The following KIAA0319 variants were observed in gnomAD, a reference collection of about 807,000 sequenced individuals.
The protein encoded by KIAA0319 is dyslexia-associated protein KIAA0319.
In KIAA0319, 83 loss-of-function variants were observed where a neutral mutation model predicts 108.4. That is an observed-to-expected ratio of 0.77 (90% confidence interval 0.64 to 0.92). KIAA0319 has a LOEUF of 0.92. Among genes scored for constraint, KIAA0319 ranks in the 40% least tolerant of loss-of-function variants. The probability of loss-of-function intolerance (pLI) is 0.00; values close to 1 mark genes in which losing one functional copy is unlikely to be tolerated. For missense variants in KIAA0319, 1,195 were observed against 1,322.4 expected (o/e 0.90, Z 1.49); for synonymous variants, 484 against 510.4 (o/e 0.95, Z 0.70).
intron 9 of KIAA0319, 81 bp downstream of exon 9, chr6:24,578,029 C>T: frequency 7.3e-7 from 1 of 1,371,572 alleles, no homozygotes; most frequent in Non-Finnish European, 9.8e-7. Flanking sequence ...ATAAGAAGTG[C>T]AGTGTTTTAT....
At chr6:24,579,465 ATATATATATCT>A (rs1327273614) in intron 8 of KIAA0319, among the ~76,000 whole-genome samples, 4 of 139,526 alleles carry the variant, frequency 2.9e-5, no homozygotes, top group African/African-American at 1.1e-4. Flanking sequence ...TATATATCTC[ATATATATATCT>A]TATATATCTC....
chr6:24,635,988 G>A (rs1315837342), intron 1 of KIAA0319, among the ~76,000 whole-genome samples: 3 of 152,168 alleles, frequency 2.0e-5, no homozygotes, highest in Middle Eastern at 3.2e-3. Flanking sequence ...AATGAATCAC[G>A]TAAATAAGGG....
At chr6:24,628,279 T>G (rs1163025761) in intron 1 of KIAA0319, among the ~76,000 whole-genome samples, 1 of 152,136 alleles carries the variant, frequency 6.6e-6, no homozygotes, top group Non-Finnish European at 1.5e-5. Flanking sequence ...TTTTAAGAAT[T>G]TTTTTGCTTT....
intron 16 of KIAA0319, among the ~76,000 whole-genome samples, chr6:24,559,676 A>G (rs1762827311): frequency 6.9e-6 from 1 of 145,356 alleles, no homozygotes; most frequent in African/African-American, 2.7e-5. Flanking sequence ...TACACAAAAT[A>G]ACTTGCAGAC....
At position 24,599,749 on chromosome 6, in the gene KIAA0319, G is replaced by A; in HGVS notation, c.55+1300C>T. On this transcript the variant is annotated intron_variant, in intron 2 of 20. Coordinates refer to ENST00000378214, the MANE Select transcript of KIAA0319 (RefSeq NM_014809.4). The surrounding 1 kb of genome is among the most constrained non-coding windows in gnomAD (Gnocchi z 4.1). ...GTGAAGAAGATCGAGATTTGTGATA[G>A]GAAACTGGTGTCTGAGTCCTCTGAT... The A allele has an allele frequency of 5.5e-6, 3 of 540,660 alleles. No homozygotes were observed. The highest frequency in any genetic ancestry group is 2.4e-5 in the Admixed American group (1 of 41,162). The allele number at this position is 540,660 out of a possible 1,614,324, so 33.5% of individuals were successfully genotyped here.
intron 18 of KIAA0319, among the ~76,000 whole-genome samples, chr6:24,556,270 T>G (rs1219505084): frequency 6.7e-6 from 1 of 148,954 alleles, no homozygotes; most frequent in East Asian, 2.1e-4. Context: ...AGACTCAACT[T>G]CCTGGGCTGA....
rs7770041 is a variant in KIAA0319, at chr6:24,547,123, T to C, written c.*42A>G. ...GTGCTGTAACTCCCACTGACTGGTC[T>C]TGGATTCAAGGGGTCCTTCCACTTT... is the stretch of plus-strand genomic sequence containing the variant. On this transcript the variant is annotated 3_prime_UTR_variant, in exon 21 of 21. Coordinates refer to ENST00000378214, the MANE Select transcript of KIAA0319 (RefSeq NM_014809.4). 0.024 allele frequency: 38,687 copies of C among 1,603,148 alleles called. 868 individuals carry two copies. Among genetic ancestry groups the C allele is most frequent in the African/African-American group, 0.11 (8,187 of 74,774 alleles).
chr6:24,595,565 A>AAC (rs1393551439), intron 3 of KIAA0319, among the ~76,000 whole-genome samples: 2 of 143,266 alleles, frequency 1.4e-5, no homozygotes, highest in South Asian at 4.4e-4. Context: ...AAAAAAAAAA[A>AAC]AAAAACGCTA....
At chr6:24,594,044 C>G (rs2127516041) in intron 3 of KIAA0319, among the ~76,000 whole-genome samples, 1 of 149,814 alleles carries the variant, frequency 6.7e-6, no homozygotes, top group Non-Finnish European at 1.5e-5. Flanking sequence ...ACTAAAAATA[C>G]AAAAATTAGC....
At chr6:24,616,995 CT>C (rs1332100745) in intron 1 of KIAA0319, among the ~76,000 whole-genome samples, 1 of 151,870 alleles carries the variant, frequency 6.6e-6, no homozygotes. Context: ...TCAAAAAGGA[CT>C]TTAAAAATTG....
At chr6:24,611,277 T>A (rs1357011785) in intron 1 of KIAA0319, among the ~76,000 whole-genome samples, 1 of 151,790 alleles carries the variant, frequency 6.6e-6, no homozygotes, top group East Asian at 1.9e-4. Context: ...GGTGGGCAGA[T>A]CACCTGAGGT....
At chr6:24,609,096 C>T (rs572183536) in intron 1 of KIAA0319, among the ~76,000 whole-genome samples, 2 of 150,746 alleles carry the variant, frequency 1.3e-5, no homozygotes, top group South Asian at 2.1e-4. Flanking sequence ...TTCAAAACCC[C>T]GTCTCTACTA....
At chr6:24,566,893 C>A (rs1420911445) in intron 13 of KIAA0319, 145 bp from the exon 14 acceptor site, 9 of 643,916 alleles carry the variant, frequency 1.4e-5, no homozygotes, top group African/African-American at 9.3e-5. Context: ...ATTTTTTTCC[C>A]CAGATGCATA....
chr6:24,581,211 G>C lies in KIAA0319; in HGVS notation c.1192-198C>G, dbSNP rs1231647783. Among the ~76,000 whole-genome samples the C allele has an allele frequency of 2.0e-5, 3 of 152,224 alleles. No homozygotes were observed. The East Asian group carries it at 5.8e-4, about 29-fold the overall frequency. On this transcript the variant is annotated intron_variant, in intron 6 of 20. Coordinates refer to ENST00000378214, the MANE Select transcript of KIAA0319 (RefSeq NM_014809.4). ...ATTCTGGAGCACTAAAGATCACCTAGACAGGCCTTTAGCTTCGCTGCAGAG... is the reference window on the plus strand; with the variant it reads ...ATTCTGGAGCACTAAAGATCACCTACACAGGCCTTTAGCTTCGCTGCAGAG...
downstream of KIAA0319, among the ~76,000 whole-genome samples, chr6:24,542,035 G>A (rs2817241): frequency 0.41 from 61,788 of 152,116 alleles, 13,716 homozygotes; most frequent in Non-Finnish European, 0.5. Context: ...AGCTACTCAG[G>A]AGGCTGAGGC....
downstream of KIAA0319, among the ~76,000 whole-genome samples, chr6:24,542,832 C>G (rs1356516732): frequency 6.6e-6 from 1 of 151,958 alleles, no homozygotes; most frequent in Admixed American, 6.6e-5. Context: ...TCACCTGAAC[C>G]AGTCAATCAG....
rs567668227 is a variant in KIAA0319 at position 24,635,625 on chromosome 6, G to C, written c.-106+10111C>G. ...GAAGATGGAGGGGTCCATGTGGAAAGAACCCAAAAGCAGCTTACAGGAGCT... is the reference window on the plus strand; with the variant it reads ...GAAGATGGAGGGGTCCATGTGGAAACAACCCAAAAGCAGCTTACAGGAGCT... On this transcript the variant is annotated intron_variant, in intron 1 of 20. Coordinates refer to ENST00000378214, the MANE Select transcript of KIAA0319 (RefSeq NM_014809.4). Among the ~76,000 whole-genome samples the C allele has an allele frequency of 5.3e-5, 8 of 152,296 alleles. No homozygotes were observed. In the South Asian group the frequency reaches 1.4e-3, roughly 28 times the overall value.
chr6:24,556,790 T>G, intron 17 of KIAA0319, 61 bp from the exon 18 acceptor site: 4 of 1,555,412 alleles, frequency 2.6e-6, no homozygotes, highest in Non-Finnish European at 3.5e-6. Context: ...TGGATTCAGC[T>G]TCTTTTGTAT....
At chr6:24,610,957 A>C (rs549797478) in intron 1 of KIAA0319, among the ~76,000 whole-genome samples, 2 of 152,204 alleles carry the variant, frequency 1.3e-5, no homozygotes, top group Non-Finnish European at 2.9e-5. Flanking sequence ...CTTTGAAAAT[A>C]TACTAACAAA....
Sources: allele counts gnomAD v4.1 joint callset (sites outside exome capture counted in the v4.1 genomes callset), GRCh38; gene constraint gnomAD v4.1.1; non-coding constraint Gnocchi (gnomAD v3.1); transcripts MANE v1.5; gene names NCBI Gene and HGNC (gene_info 2026-07-23, HGNC 2026-07-21).